GSDMC: variants seen among roughly 807,000 people sequenced by gnomAD.
GSDMC encodes gasdermin-C.
A neutral mutation model predicts 58.0 loss-of-function variants in GSDMC; 59 were observed. The observed-to-expected ratio is 1.02, with a 90% CI of 0.82 to 1.26. The LOEUF (loss-of-function observed/expected upper bound fraction) is 1.26. GSDMC is among the 50% of genes most tolerant of loss of function. The pLI is 0.00. For synonymous variants in GSDMC, 241 were observed against 220.2 expected (o/e 1.09, Z -0.83); for missense variants, 659 against 598.5 (o/e 1.10, Z -1.06).
chr8:129,709,041 C>T, the GSDMC span, among the ~76,000 whole-genome samples: 22 of 152,328 alleles, frequency 1.4e-4, no homozygotes, highest in East Asian at 1.2e-3. Flanking sequence ...TTTCCTTACA[C>T]GTCCCCCTTC....
the GSDMC span, among the ~76,000 whole-genome samples, chr8:129,725,187 G>A: frequency 6.6e-6 from 1 of 152,192 alleles, no homozygotes; most frequent in East Asian, 1.9e-4. Flanking sequence ...ATCTGTTGGA[G>A]TACAGGCTAA....
chr8:129,723,576 GT>G, the GSDMC span, among the ~76,000 whole-genome samples: 1 of 152,058 alleles, frequency 6.6e-6, no homozygotes, highest in Non-Finnish European at 1.5e-5. Flanking sequence ...GCATCTAGCA[GT>G]TTTTTACTGC....
chr8:129,736,885 A>G, the GSDMC span, among the ~76,000 whole-genome samples: 5 of 152,242 alleles, frequency 3.3e-5, no homozygotes, highest in Non-Finnish European at 7.3e-5. Context: ...GTATATTTAG[A>G]AAACCCCATC....
At chr8:129,726,956 T>C in the GSDMC span, among the ~76,000 whole-genome samples, 2 of 151,704 alleles carry the variant, frequency 1.3e-5, no homozygotes, top group Non-Finnish European at 2.9e-5. Flanking sequence ...GATACCCCCA[T>C]GTCTCAGTCT....
downstream of GSDMC, among the ~76,000 whole-genome samples, chr8:129,747,914 T>C (rs768264015): frequency 2.0e-5 from 3 of 151,904 alleles, no homozygotes; most frequent in Non-Finnish European, 2.9e-5. Flanking sequence ...CAAGAAAATG[T>C]GACAAAATAT....
intron 3 of GSDMC, among the ~76,000 whole-genome samples, chr8:129,773,743 G>A (rs921278637): frequency 3.5e-5 from 5 of 144,748 alleles, no homozygotes. Flanking sequence ...CCGAGATCAC[G>A]CCATTGTACT....
At chr8:129,730,378 T>C in the GSDMC span, 5 of 1,251,582 alleles carry the variant, frequency 4.0e-6, no homozygotes, top group South Asian at 6.8e-5. Flanking sequence ...CTGGATGAAC[T>C]TGTACAGTCA....
At chr8:129,709,697 A>G in the GSDMC span, among the ~76,000 whole-genome samples, 2 of 152,124 alleles carry the variant, frequency 1.3e-5, no homozygotes, top group Non-Finnish European at 2.9e-5. Context: ...GGCTCTCTGC[A>G]TTATCTGACC....
the GSDMC span, among the ~76,000 whole-genome samples, chr8:129,733,062 C>T: frequency 1.6e-3 from 246 of 152,352 alleles, no homozygotes; most frequent in African/African-American, 5.7e-3. Context: ...TCACTGCTAG[C>T]GCAGCAATCT....
chr8:129,730,283 T>C, the GSDMC span: 1 of 1,368,738 alleles, frequency 7.3e-7, no homozygotes, highest in East Asian at 2.4e-5. Context: ...TAAGAACATA[T>C]AATTTTCCAC....
chr8:129,780,433 G>T (rs1361172997), intron 1 of GSDMC, among the ~76,000 whole-genome samples: 6 of 151,994 alleles, frequency 3.9e-5, no homozygotes, highest in Non-Finnish European at 7.4e-5. Context: ...ATTCCAATAC[G>T]TCTAGTAGCA....
chr8:129,710,237 G>C, the GSDMC span, among the ~76,000 whole-genome samples: 1 of 152,174 alleles, frequency 6.6e-6, no homozygotes, highest in Non-Finnish European at 1.5e-5. Context: ...TACAGTGCTT[G>C]TATACAACAC....
chr8:129,779,276 G>A (rs1209551802), intron 1 of GSDMC, among the ~76,000 whole-genome samples: 1 of 152,136 alleles, frequency 6.6e-6, no homozygotes, highest in East Asian at 1.9e-4. Flanking sequence ...ATACTATGTA[G>A]CCAAAAAAAG....
chr8:129,712,015 G>A, the GSDMC span, among the ~76,000 whole-genome samples: 1 of 152,216 alleles, frequency 6.6e-6, no homozygotes, highest in Admixed American at 6.5e-5. Context: ...CCAGCTACTT[G>A]GGAGCCTGAG....
downstream of GSDMC, among the ~76,000 whole-genome samples, chr8:129,743,253 A>G (rs554278497): frequency 2.0e-5 from 3 of 152,300 alleles, no homozygotes; most frequent in East Asian, 5.8e-4. Context: ...ATCGTATCAC[A>G]GGTCCTTGAA....
chr8:129,743,738 C>T (rs1342671723), downstream of GSDMC, among the ~76,000 whole-genome samples: 1 of 152,122 alleles, frequency 6.6e-6, no homozygotes, highest in Non-Finnish European at 1.5e-5. Context: ...CCACTTGATT[C>T]TTTTGAGGCT....
At chr8:129,718,828 T>C in the GSDMC span, among the ~76,000 whole-genome samples, 3 of 152,216 alleles carry the variant, frequency 2.0e-5, no homozygotes, top group African/African-American at 4.8e-5. Flanking sequence ...GTGGCACTTA[T>C]ACACCATGGA....
chr8:129,741,811 T>TAAG, the GSDMC span, among the ~76,000 whole-genome samples: 26,127 of 151,394 alleles, frequency 0.17, 2,675 homozygotes, highest in Non-Finnish European at 0.23. Flanking sequence ...GTGAAATCAA[T>TAAG]AAGTTAGAGA....
At chr8:129,720,525 C>T in the GSDMC span, among the ~76,000 whole-genome samples, 1 of 152,130 alleles carries the variant, frequency 6.6e-6, no homozygotes, top group Non-Finnish European at 1.5e-5. Flanking sequence ...AATAATTCCA[C>T]ATACATAAAA....
Sources: allele counts gnomAD v4.1 joint callset (sites outside exome capture counted in the v4.1 genomes callset), GRCh38; gene constraint gnomAD v4.1.1; transcripts MANE v1.5; gene names NCBI Gene and HGNC (gene_info 2026-07-23, HGNC 2026-07-21).